Variants in TUFT1 observed in about 807,000 individuals in gnomAD.
The protein encoded by TUFT1 is tuftelin.
TUFT1 carries 43 observed loss-of-function variants against 57.8 expected under a neutral mutation model. That is an observed-to-expected ratio of 0.74 (90% CI 0.58 to 0.96). The LOEUF is 0.96. Among genes scored for constraint, TUFT1 ranks in the 40% least tolerant of loss-of-function variants. The pLI, the probability that TUFT1 is intolerant of heterozygous loss-of-function variation, is 0.00. For synonymous variants in TUFT1, 166 were observed against 176.7 expected (o/e 0.94, Z 0.48); for missense variants, 459 against 489.0 (o/e 0.94, Z 0.58).
intron 1 of TUFT1, among the ~76,000 whole-genome samples, chr1:151,556,522 C>T (rs566611224): frequency 2.6e-4 from 40 of 152,206 alleles, no homozygotes; most frequent in Non-Finnish European, 4.9e-4. Context: ...AATCCTCCCA[C>T]CTCAACCTCC....
rs115849125 is a variant in TUFT1, at chr1:151,579,521, T to C, written c.925-128T>C. On this transcript the variant is annotated intron_variant, in intron 10 of 12. Transcript: ENST00000368849. ...AATATTGACTGAAAGGAGGCCTTTG[T>C]AGAAAAGCTAATGAAGTCATATGGA... 490 of 810,976 alleles carry C rather than the reference T, an allele frequency of 6.0e-4. 1 individual carries two copies. The African/African-American group carries it at 7.5e-3, about 12-fold the overall frequency. The allele number at this position is 810,976 out of a possible 1,614,324, so 50.2% of individuals were successfully genotyped here.
chr1:151,574,424 T>C (rs776893183), intron 8 of TUFT1, 26 bp downstream of exon 8: 1 of 1,613,162 alleles, frequency 6.2e-7, no homozygotes, highest in African/African-American at 1.3e-5. Context: ...TGCTTGTCAG[T>C]GCCTGGACTC....
chr1:151,575,008 A>G lies in TUFT1; in HGVS notation c.818+3A>G, dbSNP rs1173579943. 6.4e-7 allele frequency: 1 copy of G among 1,556,674 alleles called. No homozygotes were observed. The highest frequency in any genetic ancestry group is 1.9e-5 in the Admixed American group (1 of 51,454). The stretch of plus-strand genomic sequence containing the variant: ...GACTGCCAAGCAGAACGAGAAAAGT[A>G]AGGGCTTGGCTCTTGTTCACGGTGA... On this transcript the variant is annotated splice_donor_region_variant and intron_variant, in intron 9 of 12. Transcript: ENST00000368849.
intron 3 of TUFT1, among the ~76,000 whole-genome samples, chr1:151,562,913 G>A (rs554871815): frequency 6.6e-6 from 1 of 152,284 alleles, no homozygotes; most frequent in East Asian, 1.9e-4. Flanking sequence ...GCAAGGGGAT[G>A]GACTGGATGA....
At chr1:151,555,328 CAAAA>C (rs1159462100) in intron 1 of TUFT1, among the ~76,000 whole-genome samples, 2 of 100,356 alleles carry the variant, frequency 2.0e-5, no homozygotes, top group Non-Finnish European at 4.2e-5. Context: ...GACTCCCTCT[CAAAA>C]AAAAAAAAAA....
intron 9 of TUFT1, among the ~76,000 whole-genome samples, chr1:151,576,466 G>A (rs74706819): frequency 6.6e-6 from 1 of 152,184 alleles, no homozygotes; most frequent in African/African-American, 2.4e-5. Flanking sequence ...GGCCAGTCCT[G>A]CAAGACTGCC....
intron 5 of TUFT1, chr1:151,564,953 G>T (rs191039289): frequency 9.7e-4 from 177 of 182,288 alleles, no homozygotes; most frequent in Non-Finnish European, 1.7e-3. Flanking sequence ...ATAGAATTTT[G>T]TAAAGCAGAC....
chr1:151,568,286 T>C (rs1666144374), intron 6 of TUFT1, among the ~76,000 whole-genome samples: 1 of 152,268 alleles, frequency 6.6e-6, no homozygotes, highest in African/African-American at 2.4e-5. Context: ...ATGAATTCAA[T>C]ATATGGCTTT....
chr1:151,574,336 A>G lies in TUFT1; in HGVS notation c.661A>G (p.Arg221Gly), dbSNP rs768870800. 2 of 1,614,186 alleles carry G rather than the reference A, an allele frequency of 1.2e-6. No homozygotes were observed. The highest frequency in any genetic ancestry group is 4.5e-5 in the East Asian group (2 of 44,882). ...TGTGGCCCTTCAGAGAGAGGAGGAC[A>G]GAGTGGAGCAGAAAGAGGCAGAAGT... ...SNVALQREED[R>G]VEQKEAEVGE... The change falls in exon 8 of 13, where the codon AGA (arginine) becomes GGA (glycine). Residue 221 changes from arginine to glycine, a missense_variant. Transcript: ENST00000368849.
chr1:151,549,925 T>C (rs991309263), intron 1 of TUFT1, among the ~76,000 whole-genome samples: 6 of 152,194 alleles, frequency 3.9e-5, no homozygotes, highest in Non-Finnish European at 8.8e-5. Context: ...TCTCATTATG[T>C]TGCCCAGGCT....
chr1:151,563,480 G>T (rs532466034), intron 3 of TUFT1, among the ~76,000 whole-genome samples: 1 of 152,264 alleles, frequency 6.6e-6, no homozygotes, highest in South Asian at 2.1e-4. Context: ...TGCTGTGCAG[G>T]TTTGTTTGTA....
rs536439970 is a variant in TUFT1 at position 151,581,644 on chromosome 1, T to C, written c.1110T>C (p.Ser370=). Residue 370 remains serine, a splice_region_variant and synonymous_variant, in exon 13 of 13, where the codon AGT becomes AGC. Transcript: ENST00000368849. ...TCAGTGTTTCCAACCTTCTTTTCAG[T>C]ATTAGGATATCCAAGCCGCCTAGCC... ...QARAKTENPG[S]IRISKPPSPK... The C allele has an allele frequency of 6.2e-7, 1 of 1,614,040 alleles. No homozygotes were observed. Among genetic ancestry groups the C allele is most frequent in the South Asian group, 1.1e-5 (1 of 91,076 alleles).
At position 151,574,317 on chromosome 1, in the gene TUFT1, C is replaced by G. The variant is rs533918790; in HGVS notation, c.642C>G (p.Ala214=). The G allele has an allele frequency of 6.2e-7, 1 of 1,614,114 alleles. No homozygotes were observed. Among genetic ancestry groups the G allele is most frequent in the South Asian group, 1.1e-5 (1 of 91,084 alleles). ...YQREAEQSNV[A]LQREEDRVEQ... Reference sequence around the variant, plus strand: ...GGGAAGCAGAACAAAGTAATGTGGCCCTTCAGAGAGAGGAGGACAGAGTGG... The same window carrying G: ...GGGAAGCAGAACAAAGTAATGTGGCGCTTCAGAGAGAGGAGGACAGAGTGG... Residue 214 remains alanine, a synonymous_variant, in exon 8 of 13, where the codon GCC becomes GCG. Coordinates refer to ENST00000368849, the MANE Select transcript of TUFT1 (RefSeq NM_020127.3).
intron 1 of TUFT1, among the ~76,000 whole-genome samples, chr1:151,546,124 T>G (rs1558000364): frequency 6.6e-6 from 1 of 152,054 alleles, no homozygotes; most frequent in Non-Finnish European, 1.5e-5. Context: ...CTCTTTTTCT[T>G]TTTCTTTTTT....
chr1:151,555,324 C>T (rs1460971932), intron 1 of TUFT1, among the ~76,000 whole-genome samples: 1 of 140,308 alleles, frequency 7.1e-6, no homozygotes, highest in African/African-American at 2.7e-5. Flanking sequence ...ATGAGACTCC[C>T]TCTCAAAAAA....
At chr1:151,578,208 A>T (rs1471496631) in intron 9 of TUFT1, among the ~76,000 whole-genome samples, 1 of 152,094 alleles carries the variant, frequency 6.6e-6, no homozygotes, top group Non-Finnish European at 1.5e-5. Context: ...TTGCTTCTAG[A>T]TTTACCCTCC....
At chr1:151,562,518 T>TGGGCTTGCCATGTG in intron 2 of TUFT1, 67 bp from the exon 3 acceptor site, 1 of 1,393,762 alleles carries the variant, frequency 7.2e-7, no homozygotes, top group Non-Finnish European at 1.0e-6. Context: ...GCAGGAGTTC[T>TGGGCTTGCCATGTG]GGGCTTGCCA....
chr1:151,581,591 G>C, intron 12 of TUFT1, 53 bp from the exon 13 acceptor site: 1 of 1,580,790 alleles, frequency 6.3e-7, no homozygotes, highest in Non-Finnish European at 8.7e-7. Context: ...TGAAGGGTGG[G>C]CCACAACACA....
chr1:151,569,646 T>C lies in TUFT1; in HGVS notation c.481-11T>C, dbSNP rs752865326. ...GAGGGCTTCCCCTTCCCTTCCTTGT[T>C]CTGGCTGTAGGTGGACACCTGTATA... On this transcript the variant is annotated splice_polypyrimidine_tract_variant and intron_variant, in intron 6 of 12. Transcript: ENST00000368849. The C allele has an allele frequency of 2.5e-6, 4 of 1,611,226 alleles. No individual in the cohort carries two copies. Among genetic ancestry groups the C allele is most frequent in the Non-Finnish European group, 3.4e-6 (4 of 1,177,738 alleles).
Sources: gnomAD v4.1 joint callset for allele counts (sites outside exome capture counted in the v4.1 genomes callset) on GRCh38, gnomAD v4.1.1 for gene constraint, MANE v1.5 for transcripts, NCBI Gene and HGNC (gene_info 2026-07-23, HGNC 2026-07-21) for gene names.